The following GLRA3 variants were observed in gnomAD, a reference collection of about 807,000 sequenced individuals.
GLRA3 encodes the protein glycine receptor subunit alpha-3.
GLRA3 carries 44 observed loss-of-function variants against 60.4 expected under a neutral mutation model. The ratio of observed to expected loss-of-function variants is 0.73; its 90% CI spans 0.57 to 0.94. The LOEUF (loss-of-function observed/expected upper bound fraction) is 0.94, where lower values mean the gene tolerates loss of function less well. GLRA3 is among the 40% of genes least tolerant of loss of function. The probability of loss-of-function intolerance (pLI) is 0.00; values close to 1 mark genes in which losing one functional copy is unlikely to be tolerated. For synonymous variants in GLRA3, 223 were observed against 192.9 expected (o/e 1.16, Z -1.29); for missense variants, 508 against 564.6 (o/e 0.90, Z 1.02).
At chr4:174,803,038 G>A (rs932584150) in intron 1 of GLRA3, among the ~76,000 whole-genome samples, 2 of 152,100 alleles carry the variant, frequency 1.3e-5, no homozygotes, top group Admixed American at 6.6e-5. Context: ...GGTGGGGAAG[G>A]AGGACTCCAT....
At chr4:174,807,722 A>C (rs2111359267) in intron 1 of GLRA3, among the ~76,000 whole-genome samples, 1 of 152,264 alleles carries the variant, frequency 6.6e-6, no homozygotes, top group East Asian at 1.9e-4. Flanking sequence ...AGCCTACAAG[A>C]TAAAAAGATA....
At chr4:174,762,162 G>A (rs1737965478) in intron 3 of GLRA3, among the ~76,000 whole-genome samples, 2 of 152,038 alleles carry the variant, frequency 1.3e-5, no homozygotes, top group Admixed American at 6.6e-5. Flanking sequence ...GGGCGTTATG[G>A]GTGGTTGTTT....
At chr4:174,680,394 T>C (rs1261548781) in intron 6 of GLRA3, among the ~76,000 whole-genome samples, 1 of 152,110 alleles carries the variant, frequency 6.6e-6, no homozygotes, top group Non-Finnish European at 1.5e-5. Flanking sequence ...AAAAAATAAG[T>C]AAACATAAAA....
At chr4:174,659,284 TTA>T in intron 7 of GLRA3, 87 bp from the exon 8 acceptor site, 1 of 911,404 alleles carries the variant, frequency 1.1e-6, no homozygotes. Flanking sequence ...TGATTCTGAA[TTA>T]TGTCATTTAT....
chr4:174,720,508 C>G (rs1396270535), intron 4 of GLRA3, among the ~76,000 whole-genome samples: 1 of 152,088 alleles, frequency 6.6e-6, no homozygotes, highest in Non-Finnish European at 1.5e-5. Flanking sequence ...AGAGACTTAA[C>G]CCAAATCACA....
At chr4:174,714,701 C>T (rs1362740546) in intron 5 of GLRA3, among the ~76,000 whole-genome samples, 3 of 152,134 alleles carry the variant, frequency 2.0e-5, no homozygotes, top group African/African-American at 7.2e-5. Context: ...TTTATTCCCC[C>T]TCGGATAACA....
chr4:174,728,786 C>T (rs1186916863), intron 3 of GLRA3, 88 bp from the exon 4 acceptor site: 2 of 775,234 alleles, frequency 2.6e-6, no homozygotes, highest in East Asian at 2.6e-5. Flanking sequence ...CCAAGGCAGG[C>T]TCATCAACTG....
rs1732645793 is a variant in GLRA3, at chr4:174,642,339, T to C, written c.*1447A>G. ...TCTGAGTTCATTGTTTTCTTAATCT[T>C]TAAAGTTTTCTCTGTGAATAATTTG... On this transcript the variant is annotated 3_prime_UTR_variant, in exon 10 of 10. Coordinates refer to ENST00000274093, the MANE Select transcript of GLRA3 (RefSeq NM_006529.4). The C allele has an allele frequency of 2.0e-6, 2 of 976,138 alleles. No individual in the cohort carries two copies. Among genetic ancestry groups the C allele is most frequent in the Non-Finnish European group, 2.4e-6 (2 of 821,742 alleles). 60.5% of individuals were successfully genotyped at this position (976,138 alleles called of 1,614,324 possible). A position where few individuals can be genotyped will look rare whatever the true frequency, so the allele number is the denominator to read the frequency against.
Position 174,703,547 on chromosome 4 carries a change from G to A in GLRA3, c.574+11941C>T, listed in dbSNP as rs1579474510. The stretch of plus-strand genomic sequence containing the variant: ...ATCCTCACTACATATAATTCACACT[G>A]TTTTTGTTTACTTATTAGGTTTTGT... On this transcript the variant is annotated intron_variant, in intron 5 of 9. Coordinates refer to ENST00000274093, the MANE Select transcript of GLRA3 (RefSeq NM_006529.4). Among the ~76,000 whole-genome samples the A allele has an allele frequency of 2.6e-5, 4 of 152,032 alleles. No homozygotes were observed. In the South Asian group the frequency reaches 6.2e-4, roughly 24 times the overall value.
chr4:174,798,864 T>C (rs1305238667), intron 1 of GLRA3, among the ~76,000 whole-genome samples: 3 of 150,628 alleles, frequency 2.0e-5, no homozygotes, highest in African/African-American at 7.4e-5. Context: ...GAGCTTGCAG[T>C]GAGCCGAGAT....
At chr4:174,774,230 T>C (rs1467280496) in intron 2 of GLRA3, among the ~76,000 whole-genome samples, 1 of 152,186 alleles carries the variant, frequency 6.6e-6, no homozygotes, top group Non-Finnish European at 1.5e-5. Flanking sequence ...GGTTTCTTGC[T>C]GTTGGAAGAG....
intron 3 of GLRA3, among the ~76,000 whole-genome samples, chr4:174,757,886 TG>T (rs1449480948): frequency 6.6e-6 from 1 of 152,104 alleles, no homozygotes; most frequent in Non-Finnish European, 1.5e-5. Context: ...TGGGGCCTGG[TG>T]GGAGATGTTT....
intron 7 of GLRA3, among the ~76,000 whole-genome samples, chr4:174,660,023 T>A (rs1046238481): frequency 2.0e-5 from 3 of 151,762 alleles, no homozygotes; most frequent in African/African-American, 7.3e-5. Context: ...GTCGTTAATA[T>A]TTAACTACAT....
intron 3 of GLRA3, among the ~76,000 whole-genome samples, chr4:174,738,317 T>C (rs1326260067): frequency 6.6e-6 from 1 of 152,140 alleles, no homozygotes. Context: ...AAAAGAAAAA[T>C]GTAATCAATC....
At chr4:174,650,429 GA>G (rs1257557299) in intron 9 of GLRA3, among the ~76,000 whole-genome samples, 1 of 152,088 alleles carries the variant, frequency 6.6e-6, no homozygotes, top group African/African-American at 2.4e-5. Flanking sequence ...GGAGTTTCTG[GA>G]AAAAGCTCAA....
chr4:174,735,523 A>G (rs983477066), intron 3 of GLRA3, among the ~76,000 whole-genome samples: 20 of 152,170 alleles, frequency 1.3e-4, no homozygotes, highest in Admixed American at 3.9e-4. Context: ...AATAAACATA[A>G]TCGTTTACAC....
intron 3 of GLRA3, among the ~76,000 whole-genome samples, chr4:174,758,953 C>T (rs1737836428): frequency 6.6e-6 from 1 of 151,970 alleles, no homozygotes; most frequent in Admixed American, 6.6e-5. Context: ...CACTTAATAC[C>T]TATTTTATGT....
intron 2 of GLRA3, among the ~76,000 whole-genome samples, chr4:174,787,376 C>G (rs755359258): frequency 6.6e-6 from 1 of 152,062 alleles, no homozygotes; most frequent in African/African-American, 2.4e-5. Context: ...TAAATGACAA[C>G]TGCATATTTT....
At chr4:174,659,587 A>G (rs1299701949) in intron 7 of GLRA3, among the ~76,000 whole-genome samples, 1 of 152,008 alleles carries the variant, frequency 6.6e-6, no homozygotes, top group Admixed American at 6.6e-5. Flanking sequence ...CTGTTAAGAT[A>G]TTTTTCTTTC....
Sources: allele counts gnomAD v4.1 joint callset (sites outside exome capture counted in the v4.1 genomes callset), GRCh38; gene constraint gnomAD v4.1.1; transcripts MANE v1.5; gene names NCBI Gene and HGNC (gene_info 2026-07-23, HGNC 2026-07-21).